CALN1: variants seen among roughly 807,000 people sequenced by gnomAD.
CALN1 encodes calneuron 1.
Under a neutral mutation model 30.6 loss-of-function variants are expected in CALN1, and 17 were observed. The observed-to-expected ratio is 0.56, with a 90% CI of 0.38 to 0.83. The LOEUF (loss-of-function observed/expected upper bound fraction) is 0.83. CALN1 is among the 40% of genes least tolerant of loss of function. The pLI is 0.00. For missense variants in CALN1, 291 were observed against 354.9 expected, an observed-to-expected ratio of 0.82 and a Z score of 1.45; for synonymous variants, 156 against 131.4, an observed-to-expected ratio of 1.19 and a Z score of -1.28.
intron 3 of CALN1, among the ~76,000 whole-genome samples, chr7:72,264,957 G>T (rs866334157): frequency 6.6e-6 from 1 of 152,000 alleles, no homozygotes; most frequent in Non-Finnish European, 1.5e-5. Context: ...CTGTTCTTGC[G>T]TTAGTTTGCT....
Position 71,780,299 on chromosome 7 carries a change from T to C in CALN1, c.*7476A>G, listed in dbSNP as rs1030295229. The C allele has an allele frequency of 1.3e-5, 2 of 152,214 alleles. No individual in the cohort carries two copies. Among genetic ancestry groups the C allele is most frequent in the African/African-American group, 4.8e-5 (2 of 41,454 alleles). 9.4% of individuals were successfully genotyped at this position (152,214 alleles called of 1,614,324 possible). A position where few individuals can be genotyped will look rare whatever the true frequency, so the allele number is the denominator to read the frequency against. On this transcript the variant is annotated 3_prime_UTR_variant, in exon 7 of 7. Transcript: ENST00000395275. Reference sequence around the variant, plus strand: ...TCTCCACCAGGAGCTGACAGGATCCTTTCTTGGCCAATCTAGGTCTTTCCC... The same window carrying C: ...TCTCCACCAGGAGCTGACAGGATCCCTTCTTGGCCAATCTAGGTCTTTCCC...
intron 5 of CALN1, among the ~76,000 whole-genome samples, chr7:71,826,609 A>C (rs1228918443): frequency 6.6e-6 from 1 of 152,156 alleles, no homozygotes; most frequent in Non-Finnish European, 1.5e-5. Flanking sequence ...GCAATCAACC[A>C]CAGACCATGT....
intron 5 of CALN1, among the ~76,000 whole-genome samples, chr7:71,889,114 T>G (rs1000312943): frequency 2.6e-5 from 4 of 152,168 alleles, no homozygotes; most frequent in African/African-American, 9.6e-5. Flanking sequence ...TCAGGTGTCT[T>G]AGTTCCTTCT....
intron 2 of CALN1, among the ~76,000 whole-genome samples, chr7:72,364,981 C>T (rs1803795162): frequency 6.6e-6 from 1 of 151,604 alleles, no homozygotes; most frequent in African/African-American, 2.4e-5. Flanking sequence ...ATCAGCTTGG[C>T]CAACATGGTG....
At chr7:71,865,957 G>A (rs375925958) in intron 5 of CALN1, among the ~76,000 whole-genome samples, 5 of 151,916 alleles carry the variant, frequency 3.3e-5, no homozygotes, top group South Asian at 4.2e-4. Flanking sequence ...AAAAGTATAC[G>A]AATAGCAGCT....
At chr7:72,263,877 TC>T (rs1278240979) in intron 3 of CALN1, among the ~76,000 whole-genome samples, 1 of 151,976 alleles carries the variant, frequency 6.6e-6, no homozygotes, top group Non-Finnish European at 1.5e-5. Flanking sequence ...TGAAACAAAT[TC>T]CCCCCAAATT....
intron 5 of CALN1, among the ~76,000 whole-genome samples, chr7:72,017,694 G>T (rs1800477906): frequency 6.6e-6 from 1 of 152,194 alleles, no homozygotes; most frequent in Admixed American, 6.5e-5. Flanking sequence ...CCAATGAGCA[G>T]ATCTATTTGC....
chr7:71,991,110 G>C (rs1323856943), intron 5 of CALN1, among the ~76,000 whole-genome samples: 1 of 152,042 alleles, frequency 6.6e-6, no homozygotes, highest in Non-Finnish European at 1.5e-5. Context: ...TGTTGCACAG[G>C]AGAAAACCAT....
In CALN1 at chr7:71,787,701, G is replaced by A. The variant is rs937731364; in HGVS notation, c.*74C>T. ...TAGTCCATAGGTCCGTGTCTGCTGT[G>A]TGGAGGAAGAGTCTGCCCGCACGGC... On this transcript the variant is annotated 3_prime_UTR_variant, in exon 7 of 7. Transcript: ENST00000395275. 2.2e-5 allele frequency: 35 copies of A among 1,583,340 alleles called. No homozygotes were observed. The Admixed American group carries it at 4.9e-4, about 22-fold the overall frequency.
At position 72,384,867 on chromosome 7, in the gene CALN1, A is replaced by G. The variant is rs542369949; in HGVS notation, c.119+18384T>C. Among the ~76,000 whole-genome samples the G allele has an allele frequency of 3.3e-5, 5 of 152,298 alleles. No homozygotes were observed. In the South Asian group the frequency reaches 8.3e-4, roughly 25 times the overall value. On this transcript the variant is annotated intron_variant, in intron 2 of 6. Transcript: ENST00000395275. The stretch of plus-strand genomic sequence containing the variant: ...TACTTTTAAGAGAATGAAAAGATGA[A>G]CCACAAATTGGGAGAAAAATATTTG...
At chr7:72,169,175 T>C (rs1788758438) in intron 3 of CALN1, among the ~76,000 whole-genome samples, 1 of 152,050 alleles carries the variant, frequency 6.6e-6, no homozygotes, top group Non-Finnish European at 1.5e-5. Flanking sequence ...TAAGTAAGTA[T>C]TGAATGAAGG....
At chr7:72,380,718 T>C (rs1562934632) in intron 2 of CALN1, among the ~76,000 whole-genome samples, 1 of 151,514 alleles carries the variant, frequency 6.6e-6, no homozygotes, top group Non-Finnish European at 1.5e-5. Flanking sequence ...GATAGATAGA[T>C]AGATACATAG....
chr7:72,427,191 G>T (rs978563029), intron 1 of CALN1, among the ~76,000 whole-genome samples: 1 of 152,074 alleles, frequency 6.6e-6, no homozygotes, highest in African/African-American at 2.4e-5. Context: ...TGCCAGGCTG[G>T]TCTCAAACTC....
intron 5 of CALN1, among the ~76,000 whole-genome samples, chr7:71,823,845 A>T (rs1788748515): frequency 6.6e-6 from 1 of 152,232 alleles, no homozygotes; most frequent in Non-Finnish European, 1.5e-5. Flanking sequence ...GCAGAAGACG[A>T]AGGAAGAACA....
intron 5 of CALN1, among the ~76,000 whole-genome samples, chr7:71,893,134 G>C (rs1793339879): frequency 6.6e-6 from 1 of 152,072 alleles, no homozygotes. Flanking sequence ...TATCCTGGTG[G>C]TTCACCACTG....
intron 5 of CALN1, among the ~76,000 whole-genome samples, chr7:71,833,594 C>T (rs1015233109): frequency 2.0e-4 from 28 of 142,806 alleles, no homozygotes; most frequent in Admixed American, 1.9e-3. Flanking sequence ...AAAAAAAAGA[C>T]CAAATAGAGG....
At chr7:71,981,904 A>T (rs1193058669) in intron 5 of CALN1, among the ~76,000 whole-genome samples, 1 of 152,084 alleles carries the variant, frequency 6.6e-6, no homozygotes, top group African/African-American at 2.4e-5. Flanking sequence ...GTGGTACGAG[A>T]GTCGAGGAAA....
At chr7:72,280,317 C>G (rs1362625689) in intron 2 of CALN1, among the ~76,000 whole-genome samples, 1 of 152,180 alleles carries the variant, frequency 6.6e-6, no homozygotes, top group African/African-American at 2.4e-5. Flanking sequence ...CAGCTTGCAA[C>G]CCATCCCCTC....
At chr7:72,389,090 C>A (rs1037446505) in intron 2 of CALN1, among the ~76,000 whole-genome samples, 1 of 152,168 alleles carries the variant, frequency 6.6e-6, no homozygotes, top group Non-Finnish European at 1.5e-5. Context: ...TACCTTGTTG[C>A]GCTCTCTACT....
Sources: gnomAD v4.1 joint callset for allele counts (sites outside exome capture counted in the v4.1 genomes callset) on GRCh38, gnomAD v4.1.1 for gene constraint, MANE v1.5 for transcripts, NCBI Gene and HGNC (gene_info 2026-07-23, HGNC 2026-07-21) for gene names.